PTPRO: variants seen among roughly 807,000 people sequenced by gnomAD.
PTPRO encodes protein tyrosine phosphatase receptor type O, also known as receptor-type tyrosine-protein phosphatase O.
In PTPRO, 62 loss-of-function variants were observed where a neutral mutation model predicts 145.2. That is an observed-to-expected ratio of 0.43 (90% CI 0.35 to 0.53). PTPRO has a LOEUF of 0.53. PTPRO is among the 20% of genes least tolerant of loss of function. The pLI is 0.01. For missense variants in PTPRO, 1,345 were observed against 1,482.7 expected, an observed-to-expected ratio of 0.91 and a Z score of 1.53; for synonymous variants, 565 against 514.7, an observed-to-expected ratio of 1.10 and a Z score of -1.32.
intron 10 of PTPRO, among the ~76,000 whole-genome samples, chr12:15,521,801 A>T (rs184046984): frequency 3.5e-4 from 53 of 152,310 alleles, no homozygotes; most frequent in African/African-American, 1.1e-3. Flanking sequence ...TATTAATAGG[A>T]TTTGGCTTCC....
intron 1 of PTPRO, among the ~76,000 whole-genome samples, chr12:15,366,538 G>A (rs907897786): frequency 6.6e-6 from 1 of 152,010 alleles, no homozygotes; most frequent in African/African-American, 2.4e-5. Context: ...AATACCTGTA[G>A]GAATTTCAAT....
At chr12:15,355,374 T>G (rs1790154635) in intron 1 of PTPRO, among the ~76,000 whole-genome samples, 1 of 152,204 alleles carries the variant, frequency 6.6e-6, no homozygotes, top group African/African-American at 2.4e-5. Flanking sequence ...CCATGTTCAT[T>G]TCATGGCCTT....
intron 2 of PTPRO, among the ~76,000 whole-genome samples, chr12:15,489,489 GCCCC>G (rs1941956508): frequency 2.6e-5 from 4 of 152,198 alleles, no homozygotes; most frequent in Non-Finnish European, 5.9e-5. Flanking sequence ...GAGGGTTTAT[GCCCC>G]TTTTAGACCA....
intron 18 of PTPRO, 135 bp downstream of exon 18, chr12:15,565,763 A>G: frequency 7.8e-6 from 5 of 644,492 alleles, no homozygotes; most frequent in South Asian, 7.3e-5. Flanking sequence ...AGCTAAGCAC[A>G]ATAATGTACT....
At chr12:15,560,966 CA>C (rs755557361) in intron 17 of PTPRO, among the ~76,000 whole-genome samples, 2 of 152,068 alleles carry the variant, frequency 1.3e-5, no homozygotes, top group African/African-American at 2.4e-5. Context: ...ACTTCTGGAT[CA>C]TTTTAATAAT....
chr12:15,539,325 A>T (rs77840862), intron 12 of PTPRO, among the ~76,000 whole-genome samples: 8,319 of 152,126 alleles, frequency 0.055, 742 homozygotes, highest in African/African-American at 0.19. Context: ...TTAAAAATTT[A>T]AAAAAAAGAA....
chr12:15,539,119 A>C (rs1025637065), intron 12 of PTPRO, among the ~76,000 whole-genome samples: 4 of 152,066 alleles, frequency 2.6e-5, no homozygotes, highest in Non-Finnish European at 5.9e-5. Flanking sequence ...GGAGGTATTC[A>C]GATATTTGTT....
At chr12:15,493,254 A>G (rs1942035386) in intron 2 of PTPRO, among the ~76,000 whole-genome samples, 1 of 152,158 alleles carries the variant, frequency 6.6e-6, no homozygotes, top group Non-Finnish European at 1.5e-5. Context: ...TACATCAAGA[A>G]TAAACCACAT....
rs1216091184 is a variant in PTPRO at position 15,471,477 on chromosome 12, T to A, written c.76-12497T>A. Among the ~76,000 whole-genome samples, 4 of 152,292 alleles carry A rather than the reference T, an allele frequency of 2.6e-5. No individual in the cohort carries two copies. In the East Asian group the frequency reaches 7.7e-4, roughly 29 times the overall value. Reference sequence around the variant, plus strand: ...TACATTTAGGATACATATTAAAAAGTCTAGTAATCCACAGCCCATTGTAAA... The same window carrying A: ...TACATTTAGGATACATATTAAAAAGACTAGTAATCCACAGCCCATTGTAAA... On this transcript the variant is annotated intron_variant, in intron 1 of 26. Coordinates refer to ENST00000281171, the MANE Select transcript of PTPRO (RefSeq NM_030667.3).
intron 2 of PTPRO, among the ~76,000 whole-genome samples, chr12:15,487,142 G>A (rs1316727440): frequency 6.6e-6 from 1 of 152,054 alleles, no homozygotes; most frequent in Non-Finnish European, 1.5e-5. Context: ...CTTTTTGGTG[G>A]GGACAGAGGA....
rs1396918555 is a variant in PTPRO at position 15,597,278 on chromosome 12, T to G, written c.*1205T>G. ...GCTGTCAAAATGACATTGATGGCAT[T>G]GTGAAGCCTGTTACTTTGTGTCACT... is the stretch of plus-strand genomic sequence containing the variant. On this transcript the variant is annotated 3_prime_UTR_variant, in exon 27 of 27. Coordinates refer to ENST00000281171, the MANE Select transcript of PTPRO (RefSeq NM_030667.3). 1.3e-5 allele frequency: 2 copies of G among 152,228 alleles called. No homozygotes were observed. Among genetic ancestry groups the G allele is most frequent in the Non-Finnish European group, 2.9e-5 (2 of 68,028 alleles). The allele number at this position is 152,228 out of a possible 1,614,324, so 9.4% of individuals were successfully genotyped here.
intron 23 of PTPRO, among the ~76,000 whole-genome samples, chr12:15,582,203 C>T (rs1377264072): frequency 6.6e-6 from 1 of 152,214 alleles, no homozygotes; most frequent in African/African-American, 2.4e-5. Context: ...GTTCCTTGCC[C>T]TCATTGCGGT....
intron 25 of PTPRO, among the ~76,000 whole-genome samples, chr12:15,592,687 C>G (rs1161611871): frequency 6.6e-6 from 1 of 152,226 alleles, no homozygotes; most frequent in Non-Finnish European, 1.5e-5. Context: ...TGTCACCTCT[C>G]AAGGCTCCCA....
chr12:15,488,234 T>C (rs998610423), intron 2 of PTPRO, among the ~76,000 whole-genome samples: 3 of 152,174 alleles, frequency 2.0e-5, no homozygotes, highest in African/African-American at 7.2e-5. Context: ...TTCATGATGG[T>C]CTATTAAATA....
rs137956150 is a variant in PTPRO at position 15,546,630 on chromosome 12, G to T, written c.2226G>T (p.Leu742=). The change falls in exon 13 of 27, where the codon CTG becomes CTT. Residue 742 remains leucine (L), a synonymous_variant. Coordinates refer to ENST00000281171, the MANE Select transcript of PTPRO (RefSeq NM_030667.3). ...VNKTQTSVTL[L]WVEEGVADFF... is the part of the protein sequence containing the mutation. Reference sequence around the variant, plus strand: ...AAACCCAGACTTCAGTGACTTTGCTGTGGGTGGAAGAGGGAGTAGCTGATT... The same window carrying T: ...AAACCCAGACTTCAGTGACTTTGCTTTGGGTGGAAGAGGGAGTAGCTGATT... 6.2e-7 allele frequency: 1 copy of T among 1,613,748 alleles called. No homozygotes were observed. The highest frequency in any genetic ancestry group is 8.5e-7 in the Non-Finnish European group (1 of 1,179,832).
intron 19 of PTPRO, among the ~76,000 whole-genome samples, chr12:15,572,578 A>C (rs1369397063): frequency 6.6e-6 from 1 of 152,150 alleles, no homozygotes; most frequent in Non-Finnish European, 1.5e-5. Context: ...GATTTCTAAC[A>C]GCTGATTTAT....
chr12:15,518,366 A>G (rs530208682), intron 9 of PTPRO, among the ~76,000 whole-genome samples: 2 of 152,042 alleles, frequency 1.3e-5, no homozygotes, highest in South Asian at 2.1e-4. Context: ...ACAAAACCAC[A>G]TTTTCCTCCC....
At chr12:15,574,653 C>G (rs1488738830) in intron 19 of PTPRO, among the ~76,000 whole-genome samples, 1 of 152,160 alleles carries the variant, frequency 6.6e-6, no homozygotes, top group Non-Finnish European at 1.5e-5. Context: ...GACACGTAAT[C>G]TAGTAATCTT....
At chr12:15,342,105 T>A (rs147007003) in intron 1 of PTPRO, among the ~76,000 whole-genome samples, 161 of 152,354 alleles carry the variant, frequency 1.1e-3, no homozygotes, top group African/African-American at 3.1e-3. Context: ...GTGGAAGCCT[T>A]TAATTAACAC....
Sources: gnomAD v4.1 joint callset for allele counts (sites outside exome capture counted in the v4.1 genomes callset) on GRCh38, gnomAD v4.1.1 for gene constraint, MANE v1.5 for transcripts, NCBI Gene and HGNC (gene_info 2026-07-23, HGNC 2026-07-21) for gene names.